DMRT1: variants seen among roughly 807,000 people sequenced by gnomAD.
DMRT1 encodes the protein doublesex- and mab-3-related transcription factor 1.
DMRT1 carries 7 observed loss-of-function variants against 32.3 expected under a neutral mutation model. That is an observed-to-expected ratio of 0.22 (90% CI 0.12 to 0.41). The LOEUF is 0.41. Ranked by LOEUF, DMRT1 falls within the 10% of genes least tolerant of loss-of-function variation. The pLI is 1.00. For synonymous variants in DMRT1, 278 were observed against 206.1 expected, an observed-to-expected ratio of 1.35 and a Z score of -2.99; for missense variants, 625 against 500.5, an observed-to-expected ratio of 1.25 and a Z score of -2.37.
chr9:896,509 G>C (rs1269978060), intron 3 of DMRT1, among the ~76,000 whole-genome samples: 3 of 151,898 alleles, frequency 2.0e-5, no homozygotes, highest in Non-Finnish European at 4.4e-5. Context: ...GATTCTGTGA[G>C]GTTGACTTTT....
chr9:866,751 A>G (rs1230384854), intron 2 of DMRT1, among the ~76,000 whole-genome samples: 1 of 152,060 alleles, frequency 6.6e-6, no homozygotes, highest in Non-Finnish European at 1.5e-5. Context: ...ATGGCTTCCC[A>G]CCCCAGGAGC....
At chr9:852,181 C>G (rs190857775) in intron 2 of DMRT1, among the ~76,000 whole-genome samples, 4 of 152,060 alleles carry the variant, frequency 2.6e-5, no homozygotes, top group South Asian at 4.2e-4. Context: ...AAGTGATCCG[C>G]CTGCCTCGGC....
At chr9:902,202 G>A (rs1007462754) in intron 3 of DMRT1, among the ~76,000 whole-genome samples, 11 of 148,496 alleles carry the variant, frequency 7.4e-5, no homozygotes, top group East Asian at 1.9e-4. Context: ...GAGCCACCGC[G>A]CCAGCCACTT....
At chr9:873,511 G>A (rs916709272) in intron 2 of DMRT1, among the ~76,000 whole-genome samples, 1 of 151,652 alleles carries the variant, frequency 6.6e-6, no homozygotes, top group Non-Finnish European at 1.5e-5. Context: ...TAGAGATGGG[G>A]TTTCATCTTG....
chr9:876,988 G>A (rs1816529579), intron 2 of DMRT1, among the ~76,000 whole-genome samples: 1 of 151,884 alleles, frequency 6.6e-6, no homozygotes, highest in Non-Finnish European at 1.5e-5. Flanking sequence ...AGAAGAGGCT[G>A]CCTCAGCCAT....
intron 4 of DMRT1, among the ~76,000 whole-genome samples, chr9:964,904 C>T (rs1819885814): frequency 6.6e-6 from 1 of 152,140 alleles, no homozygotes; most frequent in Non-Finnish European, 1.5e-5. Context: ...GCCACTGACG[C>T]TAGGAGTTAG....
Position 857,410 on chromosome 9 carries a change from G to C in DMRT1, c.538+10267G>C, listed in dbSNP as rs368017666. Among the ~76,000 whole-genome samples, 8 of 152,222 alleles carry C rather than the reference G, an allele frequency of 5.3e-5. No homozygotes were observed. In the East Asian group the frequency reaches 9.6e-4, roughly 18 times the overall value. Reference sequence around the variant, plus strand: ...CTTGTCACAGAGTTTATATTGAAAGGAACAGTATTTGTGGAAGTAAAGCAA... The same window carrying C: ...CTTGTCACAGAGTTTATATTGAAAGCAACAGTATTTGTGGAAGTAAAGCAA... On this transcript the variant is annotated intron_variant, in intron 2 of 4. Transcript: ENST00000382276.
chr9:968,021 T>C lies in DMRT1; in HGVS notation c.1004T>C (p.Val335Ala), dbSNP rs1819989350. The C allele has an allele frequency of 1.2e-6, 2 of 1,614,148 alleles. No individual in the cohort carries two copies. The highest frequency in any genetic ancestry group is 1.7e-6 in the Non-Finnish European group (2 of 1,180,040). Residue 335 changes from valine (V) to alanine (A), a missense_variant, in exon 5 of 5, where the codon GTT (valine) becomes GCT (alanine). Val to Ala is a moderately conservative substitution (Grantham distance 64). Transcript: ENST00000382276. ...SPPSSQDSGLVSLSSSSPISN... is the reference protein window; with the variant it reads ...SPPSSQDSGLASLSSSSPISN... ...CCCAGCAGTCAAGATTCTGGCTTGGTTTCCCTCTCGAGCAGCTCTCCTATT... is the reference window on the plus strand; with the variant it reads ...CCCAGCAGTCAAGATTCTGGCTTGGCTTCCCTCTCGAGCAGCTCTCCTATT...
In DMRT1 at chr9:886,197, G is replaced by A. The variant is rs183183361; in HGVS notation, c.539-7715G>A. 3.1e-3 allele frequency among the ~76,000 whole-genome samples: 476 copies of A among 152,290 alleles called. 3 individuals carry two copies. The highest frequency in any genetic ancestry group is 4.0e-3 in the Non-Finnish European group (271 of 68,032). ...GGAGTAATTCATACTCAGATCAAGGGACTTGATAAACATTGGTGCATTCAG... is the reference window on the plus strand; with the variant it reads ...GGAGTAATTCATACTCAGATCAAGGAACTTGATAAACATTGGTGCATTCAG... On this transcript the variant is annotated intron_variant, in intron 2 of 4. Coordinates refer to ENST00000382276, the MANE Select transcript of DMRT1 (RefSeq NM_021951.3).
chr9:900,353 G>A (rs559696776), intron 3 of DMRT1, among the ~76,000 whole-genome samples: 36 of 145,002 alleles, frequency 2.5e-4, no homozygotes, highest in South Asian at 2.2e-3. Context: ...AGCCAGACAG[G>A]CTCTCGTTTT....
At chr9:894,344 G>A (rs1817271660) in intron 3 of DMRT1, 149 bp downstream of exon 3, 1 of 858,676 alleles carries the variant, frequency 1.2e-6, no homozygotes, top group African/African-American at 1.7e-5. Context: ...ACATATGTGT[G>A]TGTGCCATTT....
At chr9:940,442 A>G (rs1352379420) in intron 4 of DMRT1, among the ~76,000 whole-genome samples, 1 of 152,204 alleles carries the variant, frequency 6.6e-6, no homozygotes, top group African/African-American at 2.4e-5. Context: ...GAGTGCTAAG[A>G]ACATTCAATA....
chr9:876,040 T>C (rs1047807502), intron 2 of DMRT1, among the ~76,000 whole-genome samples: 3 of 152,188 alleles, frequency 2.0e-5, no homozygotes, highest in Non-Finnish European at 2.9e-5. Flanking sequence ...CAGTATGGCA[T>C]GCTTTGCTGC....
At chr9:904,998 C>G (rs1019365840) in intron 3 of DMRT1, among the ~76,000 whole-genome samples, 1 of 151,968 alleles carries the variant, frequency 6.6e-6, no homozygotes, top group African/African-American at 2.4e-5. Flanking sequence ...GATCAGAGCC[C>G]GGGGAGAACT....
chr9:862,007 C>T (rs1815721226), intron 2 of DMRT1, among the ~76,000 whole-genome samples: 1 of 151,512 alleles, frequency 6.6e-6, no homozygotes, highest in Non-Finnish European at 1.5e-5. Context: ...AGGTGCTCCT[C>T]ACTTCCCAGA....
At chr9:929,459 A>ATT (rs1313943730) in intron 4 of DMRT1, among the ~76,000 whole-genome samples, 1 of 152,018 alleles carries the variant, frequency 6.6e-6, no homozygotes, top group East Asian at 1.9e-4. Flanking sequence ...GAAAGCTCTT[A>ATT]TTTTGATTGA....
At chr9:855,207 A>G (rs1046801581) in intron 2 of DMRT1, among the ~76,000 whole-genome samples, 3 of 152,208 alleles carry the variant, frequency 2.0e-5, no homozygotes, top group Non-Finnish European at 2.9e-5. Context: ...TAATAAAGCA[A>G]TTATGAAAAC....
chr9:881,368 A>G (rs1816730715), intron 2 of DMRT1, among the ~76,000 whole-genome samples: 1 of 152,216 alleles, frequency 6.6e-6, no homozygotes, highest in Non-Finnish European at 1.5e-5. Context: ...TCTTAATTGT[A>G]TACATTTATG....
chr9:934,968 C>T (rs545156687), intron 4 of DMRT1, among the ~76,000 whole-genome samples: 27 of 152,198 alleles, frequency 1.8e-4, no homozygotes, highest in African/African-American at 6.3e-4. Flanking sequence ...TTTGTCTCTC[C>T]CAGCTGTCTC....
Sources: gnomAD v4.1 joint callset for allele counts (sites outside exome capture counted in the v4.1 genomes callset) on GRCh38, gnomAD v4.1.1 for gene constraint, MANE v1.5 for transcripts, NCBI Gene and HGNC (gene_info 2026-07-23, HGNC 2026-07-21) for gene names.